The following FMN1 variants were observed in gnomAD, a reference collection of about 807,000 sequenced individuals.
FMN1 encodes formin-1.
Under a neutral mutation model 132.4 loss-of-function variants are expected in FMN1, and 110 were observed. That is an observed-to-expected ratio of 0.83 (90% confidence interval 0.71 to 0.97). The LOEUF is 0.97. Among genes scored for constraint, FMN1 ranks in the 50% least tolerant of loss-of-function variants. FMN1 has a pLI of 0.00. For synonymous variants in FMN1, 722 were observed against 651.7 expected (o/e 1.11, Z -1.64); for missense variants, 1,792 against 1,705.3 (o/e 1.05, Z -0.90).
At chr15:32,865,036 T>C (rs2141338566) in intron 16 of FMN1, among the ~76,000 whole-genome samples, 1 of 152,200 alleles carries the variant, frequency 6.6e-6, no homozygotes, top group Middle Eastern at 3.4e-3. Flanking sequence ...TCTACTCACA[T>C]GAAATGTCCC....
At chr15:33,177,314 T>A (rs764956634) in intron 3 of FMN1, among the ~76,000 whole-genome samples, 1 of 152,180 alleles carries the variant, frequency 6.6e-6, no homozygotes, top group Admixed American at 6.5e-5. Context: ...GGTCATAGAA[T>A]ATGGAGCACT....
At position 33,153,677 on chromosome 15, in the gene FMN1, G is replaced by A; in HGVS notation, c.1238C>T (p.Ala413Val). The change falls in exon 4 of 21, where the codon GCC becomes GTC. Residue 413 changes from alanine to valine, a missense_variant. Physicochemically the swap from Ala to Val is moderately conservative, Grantham distance 64. This residue lies in a region of FMN1 where 638 missense variants were observed against 645.2 expected (regional missense o/e 0.99). Transcript: ENST00000616417. The part of the protein sequence containing the change: ...TASISSVSAS[A>V]EGAVNKVPLK... Reference sequence around the variant, plus strand: ...GGGGACCTTGTTCACGGCCCCCTCGGCACTGGCCGACACACTAGAAATGGA... The same window carrying A: ...GGGGACCTTGTTCACGGCCCCCTCGACACTGGCCGACACACTAGAAATGGA... The A allele has an allele frequency of 6.5e-7, 1 of 1,536,344 alleles. No homozygotes were observed. Among genetic ancestry groups the A allele is most frequent in the Non-Finnish European group, 8.7e-7 (1 of 1,146,976 alleles).
chr15:33,082,975 A>G (rs910687409), intron 5 of FMN1, among the ~76,000 whole-genome samples: 2 of 152,182 alleles, frequency 1.3e-5, no homozygotes, highest in Non-Finnish European at 2.9e-5. Flanking sequence ...CTTTGGGTTC[A>G]GTCTTTCCAG....
At chr15:33,055,660 G>A (rs1433232206) in intron 6 of FMN1, among the ~76,000 whole-genome samples, 1 of 150,970 alleles carries the variant, frequency 6.6e-6, no homozygotes, top group Non-Finnish European at 1.5e-5. Context: ...AGGTCTAAAT[G>A]ACAAATGAAG....
At chr15:33,105,313 A>C (rs1016666215) in intron 4 of FMN1, among the ~76,000 whole-genome samples, 1 of 152,098 alleles carries the variant, frequency 6.6e-6, no homozygotes, top group South Asian at 2.1e-4. Flanking sequence ...AGAAAAAAAT[A>C]AAACGGACAA....
At chr15:32,821,370 C>G (rs1482866252) in intron 17 of FMN1, among the ~76,000 whole-genome samples, 3 of 151,774 alleles carry the variant, frequency 2.0e-5, no homozygotes, top group Non-Finnish European at 2.9e-5. Context: ...TTGGATTCAC[C>G]AAACTGTCTT....
chr15:32,847,727 C>G (rs2058893130), intron 17 of FMN1, among the ~76,000 whole-genome samples: 1 of 152,084 alleles, frequency 6.6e-6, no homozygotes. Flanking sequence ...TAGTGGCGGG[C>G]ACCTGTAGTC....
At chr15:32,889,457 C>T (rs2059973148) in intron 15 of FMN1, among the ~76,000 whole-genome samples, 1 of 152,192 alleles carries the variant, frequency 6.6e-6, no homozygotes, top group Non-Finnish European at 1.5e-5. Flanking sequence ...AACTCTAAAA[C>T]TGCTTTACAA....
intron 6 of FMN1, among the ~76,000 whole-genome samples, chr15:33,029,910 C>G (rs541507803): frequency 3.6e-4 from 55 of 152,332 alleles, no homozygotes; most frequent in Admixed American, 8.5e-4. Flanking sequence ...GTAATCCCAG[C>G]ACTTTCGGAG....
At chr15:33,190,812 C>T (rs774417806) in intron 2 of FMN1, among the ~76,000 whole-genome samples, 3 of 152,190 alleles carry the variant, frequency 2.0e-5, no homozygotes, top group Non-Finnish European at 4.4e-5. Context: ...TCCCAGTCAG[C>T]ATTCTGGCGG....
chr15:33,073,888 G>A (rs751445194), intron 5 of FMN1, among the ~76,000 whole-genome samples: 4 of 151,948 alleles, frequency 2.6e-5, no homozygotes, highest in Non-Finnish European at 4.4e-5. Context: ...GTGTCACCAC[G>A]ACCGACTAAT....
At chr15:33,125,440 TAGA>T (rs3082365) in intron 4 of FMN1, among the ~76,000 whole-genome samples, 44,721 of 151,990 alleles carry the variant, frequency 0.29, 7,186 homozygotes, top group East Asian at 0.63. Flanking sequence ...ACAATATGTG[TAGA>T]AGATTATTTA....
chr15:32,962,120 A>ATTG (rs1278504645), intron 9 of FMN1, among the ~76,000 whole-genome samples: 3 of 151,674 alleles, frequency 2.0e-5, no homozygotes, highest in African/African-American at 7.3e-5. Context: ...TATTATTATT[A>ATTG]TTATTATTAT....
At position 32,926,252 on chromosome 15, in the gene FMN1, A is replaced by G. The variant is rs974927032; in HGVS notation, c.3148T>C (p.Leu1050=). The change falls in exon 10 of 21, where the codon TTG becomes CTG. Residue 1050 remains leucine, a synonymous_variant. Transcript: ENST00000616417. Reference sequence around the variant, plus strand: ...GTTTGAGATCGTTTTCCATCCAACAATTTGATGATCTAAAATTAGAAAAAA... The same window carrying G: ...GTTTGAGATCGTTTTCCATCCAACAGTTTGATGATCTAAAATTAGAAAAAA... The part of the protein sequence containing the change: ...KKNKVKKIIK[L]LDGKRSQTVG... 5 of 1,513,168 alleles carry G rather than the reference A, an allele frequency of 3.3e-6. No homozygotes were observed. Among genetic ancestry groups the G allele is most frequent in the Non-Finnish European group, 4.5e-6 (5 of 1,118,006 alleles). The allele number at this position is 1,513,168 out of a possible 1,614,324, so 93.7% of individuals were successfully genotyped here. A position where few individuals can be genotyped will look rare whatever the true frequency, so the allele number is the denominator to read the frequency against.
At chr15:33,128,399 A>C (rs911579045) in intron 4 of FMN1, among the ~76,000 whole-genome samples, 2 of 152,142 alleles carry the variant, frequency 1.3e-5, no homozygotes, top group East Asian at 1.9e-4. Context: ...ACTGCCCGCC[A>C]TTTGTTCATC....
intron 14 of FMN1, among the ~76,000 whole-genome samples, chr15:32,899,232 T>C (rs779091476): frequency 1.3e-5 from 2 of 152,172 alleles, no homozygotes; most frequent in Non-Finnish European, 2.9e-5. Context: ...AACCAGGGCC[T>C]AGAACAGAAA....
Position 33,154,842 on chromosome 15 carries a change from G to A in FMN1, c.73C>T (p.Pro25Ser), listed in dbSNP as rs766958147. The A allele has an allele frequency of 2.0e-6, 3 of 1,536,190 alleles. No homozygotes were observed. The South Asian group carries it at 3.6e-5, about 18-fold the overall frequency. The change falls in exon 4 of 21, where the codon CCA becomes TCA. Residue 25 changes from proline (P) to serine (S), a missense_variant. By Grantham distance (74) the Pro-to-Ser change is moderately conservative. This residue lies in a region of FMN1 where 638 missense variants were observed against 645.2 expected (regional missense o/e 0.99). Coordinates refer to ENST00000616417, the MANE Select transcript of FMN1 (RefSeq NM_001277313.2). ...TELCYISFCLPKGEVRGFSYK... is the reference protein window; with the variant it reads ...TELCYISFCLSKGEVRGFSYK... ...GAAAATCCTCTGACTTCCCCCTTTGGAAGACAGAAGCTGATGTAGCAGAGT... is the reference window on the plus strand; with the variant it reads ...GAAAATCCTCTGACTTCCCCCTTTGAAAGACAGAAGCTGATGTAGCAGAGT...
At chr15:32,876,014 T>C (rs527794131) in intron 16 of FMN1, among the ~76,000 whole-genome samples, 8 of 152,232 alleles carry the variant, frequency 5.3e-5, no homozygotes, top group Middle Eastern at 3.4e-3. Flanking sequence ...TGAAGCACCA[T>C]AGGCAGGTAA....
At chr15:33,128,709 C>T (rs1440640967) in intron 4 of FMN1, among the ~76,000 whole-genome samples, 6 of 152,202 alleles carry the variant, frequency 3.9e-5, no homozygotes, top group Admixed American at 3.9e-4. Context: ...CGCGGACCCT[C>T]ACGGTAAGTG....
Sources: allele counts gnomAD v4.1 joint callset (sites outside exome capture counted in the v4.1 genomes callset), GRCh38; gene constraint gnomAD v4.1.1; regional missense constraint gnomAD v4.1.1; transcripts MANE v1.5; gene names NCBI Gene and HGNC (gene_info 2026-07-23, HGNC 2026-07-21).